PDE11A: variants seen among roughly 807,000 people sequenced by gnomAD.
PDE11A encodes the protein phosphodiesterase 11A, also known as dual 3',5'-cyclic-AMP and -GMP phosphodiesterase 11A.
PDE11A carries 100 observed loss-of-function variants against 100.5 expected under a neutral mutation model. The observed-to-expected ratio is 1.00, with a 90% CI of 0.85 to 1.18. The LOEUF is 1.18. Ranked by LOEUF, PDE11A falls within the 50% of genes most tolerant of loss-of-function variation. PDE11A has a pLI of 0.00. For synonymous variants in PDE11A, 381 were observed against 420.8 expected (o/e 0.91, Z 1.16); for missense variants, 1,141 against 1,152.6 (o/e 0.99, Z 0.15).
intron 1 of PDE11A, among the ~76,000 whole-genome samples, chr2:178,033,298 C>T (rs1364069871): frequency 6.6e-6 from 1 of 151,970 alleles, no homozygotes; most frequent in African/African-American, 2.4e-5. Flanking sequence ...GAAAGAATAT[C>T]AGAGATTGAA....
intron 9 of PDE11A, among the ~76,000 whole-genome samples, chr2:177,816,599 T>A (rs1277146043): frequency 6.6e-6 from 1 of 152,220 alleles, no homozygotes; most frequent in Non-Finnish European, 1.5e-5. Context: ...AAAATCTATA[T>A]CTAAACATAG....
chr2:177,908,726 G>C (rs1050100922), intron 2 of PDE11A, among the ~76,000 whole-genome samples: 1 of 152,204 alleles, frequency 6.6e-6, no homozygotes, highest in Non-Finnish European at 1.5e-5. Context: ...CACATGGCTA[G>C]AGAGGTTCCA....
intron 4 of PDE11A, among the ~76,000 whole-genome samples, chr2:177,881,310 A>T (rs187207290): frequency 6.7e-6 from 1 of 150,280 alleles, no homozygotes; most frequent in East Asian, 1.9e-4. Flanking sequence ...TAGAATAAAT[A>T]TCTTTATCTC....
rs571993610 is a variant in PDE11A, at chr2:177,708,572, G to A, written c.2153+3197C>T. ...AATAATATATATTTAACAAACCCCC[G>A]TTACACATGGTTACCTATGTAACAA... On this transcript the variant is annotated intron_variant, in intron 13 of 19. Coordinates refer to ENST00000286063, the MANE Select transcript of PDE11A (RefSeq NM_016953.4). 5.9e-5 allele frequency among the ~76,000 whole-genome samples: 9 copies of A among 152,180 alleles called. 1 individual carries two copies. In the South Asian group the frequency reaches 8.3e-4, roughly 14 times the overall value.
chr2:177,864,150 A>G (rs1015156870), intron 5 of PDE11A, among the ~76,000 whole-genome samples: 1 of 152,146 alleles, frequency 6.6e-6, no homozygotes, highest in African/African-American at 2.4e-5. Flanking sequence ...TCTGAAAAAA[A>G]TTCAAATATA....
chr2:177,938,932 A>T (rs1300589672), intron 2 of PDE11A, among the ~76,000 whole-genome samples: 1 of 152,236 alleles, frequency 6.6e-6, no homozygotes, highest in African/African-American at 2.4e-5. Flanking sequence ...TACAGAAGGA[A>T]AACAATGTGA....
chr2:177,640,896 T>C (rs569164959), intron 19 of PDE11A, among the ~76,000 whole-genome samples: 5 of 152,362 alleles, frequency 3.3e-5, no homozygotes, highest in African/African-American at 1.2e-4. Context: ...CATCTTCCTC[T>C]TCCCCTTACA....
intron 1 of PDE11A, 25 bp downstream of exon 1, chr2:178,071,501 A>G: frequency 6.2e-7 from 1 of 1,613,260 alleles, no homozygotes; most frequent in South Asian, 1.1e-5. Context: ...GGGCTCTGGG[A>G]GAAGGGGACA....
intron 19 of PDE11A, among the ~76,000 whole-genome samples, chr2:177,631,599 ATGTGTGTATATATATACATATATG>A (rs2079945721): frequency 1.3e-5 from 1 of 74,834 alleles, no homozygotes; most frequent in Non-Finnish European, 2.4e-5. Flanking sequence ...ACACATATAT[ATGTGTGTATATATATACATATATG>A]TGTGTGTATA....
intron 9 of PDE11A, among the ~76,000 whole-genome samples, chr2:177,770,962 G>A (rs1325201914): frequency 1.3e-5 from 2 of 152,098 alleles, no homozygotes; most frequent in East Asian, 1.9e-4. Flanking sequence ...AAGTAGCTGC[G>A]ACCACAGGCA....
chr2:177,989,131 C>T (rs1946702), intron 2 of PDE11A, among the ~76,000 whole-genome samples: 1 of 152,180 alleles, frequency 6.6e-6, no homozygotes. Context: ...TGTTAAGTGG[C>T]CTTCAATACT....
At chr2:178,011,282 G>A (rs1272110833) in intron 2 of PDE11A, among the ~76,000 whole-genome samples, 2 of 152,076 alleles carry the variant, frequency 1.3e-5, no homozygotes, top group East Asian at 1.9e-4. Context: ...GGAAGGTGGC[G>A]GTCATTGACC....
intron 5 of PDE11A, among the ~76,000 whole-genome samples, chr2:177,866,325 T>C (rs1314994852): frequency 2.0e-5 from 3 of 152,200 alleles, no homozygotes; most frequent in African/African-American, 4.8e-5. Flanking sequence ...GAAAGCATGA[T>C]TTCTCCAACT....
intron 1 of PDE11A, among the ~76,000 whole-genome samples, chr2:178,046,950 G>C (rs2086759156): frequency 6.6e-6 from 1 of 151,902 alleles, no homozygotes; most frequent in African/African-American, 2.4e-5. Flanking sequence ...TATATCTTTT[G>C]TCCACTATTC....
chr2:177,896,353 G>A (rs1005713831), intron 4 of PDE11A, among the ~76,000 whole-genome samples: 2 of 152,144 alleles, frequency 1.3e-5, no homozygotes, highest in African/African-American at 2.4e-5. Flanking sequence ...AAAATTAGTC[G>A]AAGTTAGAAG....
At chr2:177,994,330 T>C (rs1017149710) in intron 2 of PDE11A, among the ~76,000 whole-genome samples, 6 of 152,140 alleles carry the variant, frequency 3.9e-5, no homozygotes, top group Admixed American at 3.9e-4. Context: ...TATGCTACCA[T>C]CTTCCAGTTA....
At chr2:177,878,218 C>A (rs1345175659) in intron 4 of PDE11A, among the ~76,000 whole-genome samples, 1 of 152,190 alleles carries the variant, frequency 6.6e-6, no homozygotes, top group East Asian at 1.9e-4. Flanking sequence ...CAGAATCACT[C>A]ATTGTGGCAA....
intron 2 of PDE11A, among the ~76,000 whole-genome samples, chr2:177,968,068 A>C (rs1574313998): frequency 6.6e-6 from 1 of 152,116 alleles, no homozygotes; most frequent in East Asian, 1.9e-4. Context: ...TCACTTTCTC[A>C]CACCCTCTCA....
At chr2:177,637,995 ATATTTT>A (rs1559120731) in intron 19 of PDE11A, among the ~76,000 whole-genome samples, 1 of 54,138 alleles carries the variant, frequency 1.8e-5, no homozygotes, top group African/African-American at 6.0e-5. Context: ...ATATATATAT[ATATTTT>A]TTTTTTTTTT....
Sources: gnomAD v4.1 joint callset for allele counts (sites outside exome capture counted in the v4.1 genomes callset) on GRCh38, gnomAD v4.1.1 for gene constraint, MANE v1.5 for transcripts, NCBI Gene and HGNC (gene_info 2026-07-23, HGNC 2026-07-21) for gene names.